The following DACH1 variants were observed in gnomAD, a reference collection of about 807,000 sequenced individuals.
The protein encoded by DACH1 is dachshund homolog 1.
A neutral mutation model predicts 54.2 loss-of-function variants in DACH1; 12 were observed. That is an observed-to-expected ratio of 0.22 (90% CI 0.14 to 0.36). The LOEUF is 0.36. Among genes scored for constraint, DACH1 ranks in the 10% least tolerant of loss-of-function variants. The pLI is 1.00. For synonymous variants in DACH1, 386 were observed against 366.2 expected (o/e 1.05, Z -0.62); for missense variants, 805 against 929.8 (o/e 0.87, Z 1.75).
chr13:71,515,500 C>T (rs1881090846), intron 6 of DACH1, among the ~76,000 whole-genome samples: 1 of 151,902 alleles, frequency 6.6e-6, no homozygotes, highest in Admixed American at 6.6e-5. Context: ...AACCTGACTT[C>T]ATAAATAACA....
intron 10 of DACH1, among the ~76,000 whole-genome samples, chr13:71,470,901 A>G (rs770431184): frequency 6.6e-6 from 1 of 152,130 alleles, no homozygotes; most frequent in Admixed American, 6.5e-5. Context: ...TGAACAAGGA[A>G]CTGCATGTAC....
intron 3 of DACH1, among the ~76,000 whole-genome samples, chr13:71,619,908 C>T (rs1013391001): frequency 1.3e-5 from 2 of 151,746 alleles, no homozygotes; most frequent in Admixed American, 1.3e-4. Flanking sequence ...ATATTCTAGA[C>T]GATAGCTTTT....
At chr13:71,670,893 A>C (rs2138675719) in intron 2 of DACH1, among the ~76,000 whole-genome samples, 1 of 152,174 alleles carries the variant, frequency 6.6e-6, no homozygotes, top group East Asian at 1.9e-4. Context: ...AGAATCAAAA[A>C]AATTTGAATG....
intron 1 of DACH1, among the ~76,000 whole-genome samples, chr13:71,853,350 G>C (rs528967463): frequency 1.3e-5 from 2 of 152,142 alleles, no homozygotes; most frequent in Non-Finnish European, 2.9e-5. Flanking sequence ...TTACTTTAAT[G>C]CATTGTTATT....
At chr13:71,675,188 A>T (rs1195553452) in intron 2 of DACH1, 27 of 1,579,170 alleles carry the variant, frequency 1.7e-5, no homozygotes, top group Non-Finnish European at 2.3e-5. Flanking sequence ...CCTCATCGTA[A>T]CAGGCCTGGT....
At chr13:71,483,383 CAAT>C (rs562058812) in intron 7 of DACH1, among the ~76,000 whole-genome samples, 2,276 of 145,692 alleles carry the variant, frequency 0.016, 56 homozygotes, top group African/African-American at 0.053. Flanking sequence ...AATTATGTAT[CAAT>C]AATTAAATTA....
rs950532892 is a variant in DACH1 at position 71,850,349 on chromosome 13, A to C, written c.848+15573T>G. 2.0e-5 allele frequency among the ~76,000 whole-genome samples: 3 copies of C among 152,184 alleles called. 1 individual carries two copies. The highest frequency in any genetic ancestry group is 2.0e-4 in the Admixed American group (3 of 15,280). On this transcript the variant is annotated intron_variant, in intron 1 of 10. Coordinates refer to ENST00000613252, the MANE Select transcript of DACH1 (RefSeq NM_080759.6). ...TCAACACCTTCGGGCCCTTCCATGC[A>C]ATCTTCCACTAGGAGTGCAAGGCCA...
chr13:71,841,009 G>A (rs1266326416), intron 1 of DACH1, among the ~76,000 whole-genome samples: 1 of 152,112 alleles, frequency 6.6e-6, no homozygotes, highest in Non-Finnish European at 1.5e-5. Flanking sequence ...TTTACTGTAT[G>A]TTTTAGAAGA....
At chr13:71,521,744 C>G (rs953245693) in intron 6 of DACH1, among the ~76,000 whole-genome samples, 4 of 152,060 alleles carry the variant, frequency 2.6e-5, no homozygotes, top group African/African-American at 9.7e-5. Context: ...AAATCGCCTA[C>G]GCGGTCAGCC....
chr13:71,741,282 T>G (rs972270936), intron 1 of DACH1, among the ~76,000 whole-genome samples: 3 of 152,268 alleles, frequency 2.0e-5, no homozygotes, highest in African/African-American at 7.2e-5. Context: ...TTTTGATTAT[T>G]GGGAAAAGAG....
intron 1 of DACH1, among the ~76,000 whole-genome samples, chr13:71,712,056 T>C (rs1882745575): frequency 1.3e-5 from 2 of 152,194 alleles, no homozygotes; most frequent in South Asian, 4.1e-4. Flanking sequence ...TGGTTCTATG[T>C]AATCCCCCCT....
At chr13:71,776,915 C>G (rs887964164) in intron 1 of DACH1, among the ~76,000 whole-genome samples, 1 of 152,042 alleles carries the variant, frequency 6.6e-6, no homozygotes, top group African/African-American at 2.4e-5. Flanking sequence ...TTCATCACTC[C>G]CCACCCAGAC....
At chr13:71,820,732 G>T (rs1335160121) in intron 1 of DACH1, among the ~76,000 whole-genome samples, 1 of 152,144 alleles carries the variant, frequency 6.6e-6, no homozygotes, top group Non-Finnish European at 1.5e-5. Flanking sequence ...GAAATCTTTT[G>T]TAATAAACCA....
At chr13:71,649,608 C>T (rs1878535456) in intron 2 of DACH1, among the ~76,000 whole-genome samples, 1 of 152,102 alleles carries the variant, frequency 6.6e-6, no homozygotes, top group Admixed American at 6.5e-5. Context: ...CCATAACAAA[C>T]ACCATATAGA....
intron 2 of DACH1, among the ~76,000 whole-genome samples, chr13:71,656,869 G>A (rs1463615686): frequency 1.4e-5 from 2 of 138,950 alleles, no homozygotes; most frequent in East Asian, 4.4e-4. Flanking sequence ...GACAGATACT[G>A]ACTTGAAAAC....
chr13:71,804,953 A>T (rs1253559299), intron 1 of DACH1, among the ~76,000 whole-genome samples: 3 of 152,162 alleles, frequency 2.0e-5, no homozygotes, highest in African/African-American at 7.2e-5. Context: ...ACAGTATTGT[A>T]CCCTTCATGT....
At chr13:71,609,444 G>C (rs942934772) in intron 3 of DACH1, among the ~76,000 whole-genome samples, 3 of 152,098 alleles carry the variant, frequency 2.0e-5, no homozygotes. Context: ...TGCTTCTTTA[G>C]TCTAGATTGA....
chr13:71,817,843 C>G (rs1193660724), intron 1 of DACH1, among the ~76,000 whole-genome samples: 1 of 113,822 alleles, frequency 8.8e-6, no homozygotes, highest in South Asian at 2.8e-4. Flanking sequence ...GAGACAGGGT[C>G]TCGCTCTGTC....
In DACH1 at chr13:71,813,972, A is replaced by G. The variant is rs147111899; in HGVS notation, c.848+51950T>C. 9.5e-3 allele frequency among the ~76,000 whole-genome samples: 1,449 copies of G among 152,302 alleles called. 24 individuals carry two copies. The highest frequency in any genetic ancestry group is 0.033 in the African/African-American group (1,370 of 41,558). On this transcript the variant is annotated intron_variant, in intron 1 of 10. Coordinates refer to ENST00000613252, the MANE Select transcript of DACH1 (RefSeq NM_080759.6). Reference sequence around the variant, plus strand: ...CCCTCAAGCCAAGGAGTGTCTCCACAGTGATGTTGTAGTCTCGGAATAATT... The same window carrying G: ...CCCTCAAGCCAAGGAGTGTCTCCACGGTGATGTTGTAGTCTCGGAATAATT...
Sources: allele counts gnomAD v4.1 joint callset (sites outside exome capture counted in the v4.1 genomes callset), GRCh38; gene constraint gnomAD v4.1.1; transcripts MANE v1.5; gene names NCBI Gene and HGNC (gene_info 2026-07-23, HGNC 2026-07-21).